Variants in DLG2 observed in about 807,000 individuals in gnomAD.
DLG2 encodes the protein discs large MAGUK scaffold protein 2.
In DLG2, 45 loss-of-function variants were observed where a neutral mutation model predicts 132.5. That is an observed-to-expected ratio of 0.34 (90% CI 0.27 to 0.44). The LOEUF (loss-of-function observed/expected upper bound fraction) is 0.44, where lower values mean the gene tolerates loss of function less well. Ranked by LOEUF, DLG2 falls within the 20% of genes least tolerant of loss-of-function variation. DLG2 has a pLI of 1.00. For synonymous variants in DLG2, 424 were observed against 419.6 expected, an observed-to-expected ratio of 1.01 and a Z score of -0.13; for missense variants, 1,045 against 1,196.9, an observed-to-expected ratio of 0.87 and a Z score of 1.87.
chr11:84,087,891 G>A (rs562167400), intron 10 of DLG2, among the ~76,000 whole-genome samples: 4 of 152,238 alleles, frequency 2.6e-5, no homozygotes, highest in African/African-American at 9.6e-5. Flanking sequence ...TAATAAATTC[G>A]CATTATTTTA....
At chr11:84,555,818 TTAC>T (rs1266449563) in intron 6 of DLG2, among the ~76,000 whole-genome samples, 1 of 152,198 alleles carries the variant, frequency 6.6e-6, no homozygotes, top group African/African-American at 2.4e-5. Context: ...TATGAATTTT[TTAC>T]TACAATTTTT....
At chr11:84,247,871 A>G (rs971212612) in intron 8 of DLG2, among the ~76,000 whole-genome samples, 8 of 152,176 alleles carry the variant, frequency 5.3e-5, no homozygotes, top group Admixed American at 2.6e-4. Flanking sequence ...AAATTAATAC[A>G]TTTACTTGCA....
At chr11:85,202,326 A>G (rs1205641675) in intron 4 of DLG2, among the ~76,000 whole-genome samples, 2 of 152,214 alleles carry the variant, frequency 1.3e-5, no homozygotes, top group African/African-American at 4.8e-5. Flanking sequence ...AAAATCAAAT[A>G]ACATACAAGG....
chr11:85,503,604 G>C (rs1598027135), intron 3 of DLG2, among the ~76,000 whole-genome samples: 1 of 152,022 alleles, frequency 6.6e-6, no homozygotes, highest in Admixed American at 6.6e-5. Flanking sequence ...AGATTAATGG[G>C]TTATCATGGG....
chr11:84,279,456 C>T (rs1001720418), intron 7 of DLG2, among the ~76,000 whole-genome samples: 4 of 152,122 alleles, frequency 2.6e-5, no homozygotes, highest in African/African-American at 7.2e-5. Context: ...TCCCATTACT[C>T]GGTATATACC....
At chr11:83,832,763 A>T (rs559444536) in intron 17 of DLG2, among the ~76,000 whole-genome samples, 1 of 152,272 alleles carries the variant, frequency 6.6e-6, no homozygotes, top group Non-Finnish European at 1.5e-5. Context: ...AAAAGTTGAA[A>T]TTATTAAAAA....
intron 11 of DLG2, among the ~76,000 whole-genome samples, chr11:83,988,934 C>T (rs760262974): frequency 1.5e-5 from 2 of 136,444 alleles, no homozygotes; most frequent in Non-Finnish European, 3.1e-5. Context: ...GTTCTGTCTC[C>T]TTGGTGAAAA....
chr11:84,202,244 A>G (rs1348149081), intron 8 of DLG2, among the ~76,000 whole-genome samples: 1 of 152,166 alleles, frequency 6.6e-6, no homozygotes, highest in Non-Finnish European at 1.5e-5. Context: ...TAACCAAAAG[A>G]GGATGGGACT....
At chr11:85,426,489 C>T (rs1000728871) in intron 3 of DLG2, among the ~76,000 whole-genome samples, 1 of 152,206 alleles carries the variant, frequency 6.6e-6, no homozygotes, top group Non-Finnish European at 1.5e-5. Context: ...TGTTCTGCAG[C>T]TTCCACTGCT....
chr11:84,196,161 C>T lies in DLG2; in HGVS notation c.574-32650G>A, dbSNP rs11233939. Reference sequence around the variant, plus strand: ...AAGAAAGACTTCATTCTTTTGAGTGCTTTTTATAATTTTTAACCCAGCATT... The same window carrying T: ...AAGAAAGACTTCATTCTTTTGAGTGTTTTTTATAATTTTTAACCCAGCATT... On this transcript the variant is annotated intron_variant, in intron 8 of 27. Coordinates refer to ENST00000376104, the MANE Select transcript of DLG2 (RefSeq NM_001142699.3). Among the ~76,000 whole-genome samples the T allele has an allele frequency of 3.3e-5, 5 of 152,212 alleles. No homozygotes were observed. In the East Asian group the frequency reaches 9.6e-4, roughly 29 times the overall value.
In DLG2 at chr11:85,024,589, A is replaced by G. The variant is rs138477947; in HGVS notation, c.357+87072T>C. ...CTCGACTCTTCATTGCATGTTGTCT[A>G]TATAGCCACCATCGTACTTTAAATG... On this transcript the variant is annotated intron_variant, in intron 6 of 27. Coordinates refer to ENST00000376104, the MANE Select transcript of DLG2 (RefSeq NM_001142699.3). 2.5e-3 allele frequency among the ~76,000 whole-genome samples: 383 copies of G among 152,324 alleles called. 1 individual carries two copies. The highest frequency in any genetic ancestry group is 8.9e-3 in the African/African-American group (371 of 41,580).
chr11:83,694,490 C>A (rs894009586), intron 18 of DLG2, among the ~76,000 whole-genome samples: 2 of 152,164 alleles, frequency 1.3e-5, no homozygotes, highest in African/African-American at 4.8e-5. Flanking sequence ...GAAATGTGAA[C>A]TTCCAGATAG....
At chr11:83,752,907 T>G (rs907555013) in intron 18 of DLG2, among the ~76,000 whole-genome samples, 2 of 152,138 alleles carry the variant, frequency 1.3e-5, no homozygotes, top group African/African-American at 4.8e-5. Context: ...TTAAATAAAG[T>G]TGTTTCAGAA....
chr11:83,923,781 C>T (rs2078404954), intron 15 of DLG2, among the ~76,000 whole-genome samples: 1 of 152,140 alleles, frequency 6.6e-6, no homozygotes, highest in Non-Finnish European at 1.5e-5. Context: ...TAATATAATA[C>T]TAACTAGTTT....
intron 4 of DLG2, among the ~76,000 whole-genome samples, chr11:85,204,838 A>G (rs1565154900): frequency 2.0e-5 from 3 of 152,174 alleles, no homozygotes; most frequent in Non-Finnish European, 4.4e-5. Context: ...ACAGACACAC[A>G]GGCCAATGAA....
intron 3 of DLG2, among the ~76,000 whole-genome samples, chr11:85,536,662 C>G (rs2075606189): frequency 6.6e-6 from 1 of 152,236 alleles, no homozygotes; most frequent in Non-Finnish European, 1.5e-5. Flanking sequence ...GCGGTGCTCA[C>G]AGGCCAGTGC....
At chr11:84,689,797 G>A (rs1040995258) in intron 6 of DLG2, among the ~76,000 whole-genome samples, 3 of 151,204 alleles carry the variant, frequency 2.0e-5, no homozygotes, top group African/African-American at 4.9e-5. Flanking sequence ...CTAAGTTAAC[G>A]CACACACACA....
intron 3 of DLG2, among the ~76,000 whole-genome samples, chr11:85,484,730 A>T (rs943105929): frequency 2.0e-5 from 3 of 151,002 alleles, no homozygotes; most frequent in Non-Finnish European, 4.4e-5. Context: ...GTGGAGAAAT[A>T]GGAACACTTT....
At chr11:84,391,850 C>G (rs912503746) in intron 7 of DLG2, among the ~76,000 whole-genome samples, 12 of 150,844 alleles carry the variant, frequency 8.0e-5, no homozygotes, top group Non-Finnish European at 1.8e-4. Context: ...TAGAATTTGG[C>G]TCACAGTGGA....
Sources: gnomAD v4.1 joint callset for allele counts (sites outside exome capture counted in the v4.1 genomes callset) on GRCh38, gnomAD v4.1.1 for gene constraint, MANE v1.5 for transcripts, NCBI Gene and HGNC (gene_info 2026-07-23, HGNC 2026-07-21) for gene names.